Variants in DHX8 observed in about 807,000 individuals in gnomAD.
The protein encoded by DHX8 is DEAH-box helicase 8.
DHX8 carries 67 observed loss-of-function variants against 140.7 expected under a neutral mutation model. The observed-to-expected ratio is 0.48, with a 90% CI of 0.39 to 0.58. The LOEUF is 0.58. Ranked by LOEUF, DHX8 falls within the 20% of genes least tolerant of loss-of-function variation. The probability of loss-of-function intolerance (pLI) is 0.00; values close to 1 mark genes in which losing one functional copy is unlikely to be tolerated. For missense variants in DHX8, 887 were observed against 1,550.7 expected (o/e 0.57, Z 7.19); for synonymous variants, 533 against 553.2 (o/e 0.96, Z 0.51).
At chr17:43,536,430 T>A in exon 3 of DHX8, 2 of 1,614,218 alleles carry the variant, frequency 1.2e-6, no homozygotes, top group East Asian at 2.2e-5. Flanking sequence ...ACTCACGGTT[T>A]TCTGAATGGA....
chr17:43,489,852 A>ATTTT, intron 2 of DHX8, among the ~76,000 whole-genome samples: 1 of 152,156 alleles, frequency 6.6e-6, no homozygotes, highest in African/African-American at 2.4e-5. Flanking sequence ...GGCCTTCCAA[A>ATTTT]GTGCTGGGAT....
chr17:43,522,762 AAAAAAAC>A (rs1350448097), intron 22 of DHX8, among the ~76,000 whole-genome samples: 3 of 146,798 alleles, frequency 2.0e-5, no homozygotes, highest in South Asian at 2.2e-4. Context: ...AAAAAAAAAA[AAAAAAAC>A]CAACTACCTA....
At chr17:43,499,028 T>TTA (rs1860977558) in intron 10 of DHX8, 69 bp downstream of exon 10, 1 of 1,182,042 alleles carries the variant, frequency 8.5e-7, no homozygotes, top group African/African-American at 1.6e-5. Context: ...ATGGGTCAGG[T>TTA]TATTAGATCT....
chr17:43,532,337 A>G (rs1406949173), intron 2 of DHX8, among the ~76,000 whole-genome samples: 1 of 152,092 alleles, frequency 6.6e-6, no homozygotes, highest in Non-Finnish European at 1.5e-5. Flanking sequence ...CATCTCTACT[A>G]AAAATACAAA....
chr17:43,535,520 ACGCGCCTCAGCCT>A (rs1178701639), intron 2 of DHX8, among the ~76,000 whole-genome samples: 2 of 152,202 alleles, frequency 1.3e-5, no homozygotes, highest in South Asian at 2.1e-4. Flanking sequence ...CATGTGATCC[ACGCGCCTCAGCCT>A]CCCAAAGTGC....
At chr17:43,499,690 C>T (rs575998761) in intron 10 of DHX8, among the ~76,000 whole-genome samples, 1 of 152,302 alleles carries the variant, frequency 6.6e-6, no homozygotes, top group African/African-American at 2.4e-5. Context: ...TTATGTCCTT[C>T]ATACGTTTAA....
At chr17:43,543,276 A>ACACTCTCTCT (rs1555559953) in intron 3 of DHX8, among the ~76,000 whole-genome samples, 12 of 138,258 alleles carry the variant, frequency 8.7e-5, no homozygotes, top group East Asian at 2.2e-4. Context: ...ACACACACAC[A>ACACTCTCTCT]CTCTCTCTCT....
chr17:43,532,772 C>A, intron 2 of DHX8: 1 of 1,614,026 alleles, frequency 6.2e-7, no homozygotes, highest in Non-Finnish European at 8.5e-7. Flanking sequence ...GGCTGGCTGG[C>A]CCGCCTGTTC....
intron 3 of DHX8, among the ~76,000 whole-genome samples, chr17:43,537,471 A>T (rs887852890): frequency 2.0e-5 from 3 of 151,732 alleles, no homozygotes; most frequent in Non-Finnish European, 4.4e-5. Flanking sequence ...AGGTGGGAGG[A>T]TCACTTGAGA....
rs1282240505 is a variant in DHX8, at chr17:43,520,693, G to A, written c.2938-58G>A. 6.2e-6 allele frequency: 10 copies of A among 1,610,372 alleles called. No individual in the cohort carries two copies. The East Asian group carries it at 1.8e-4, about 29-fold the overall frequency. On this transcript the variant is annotated intron_variant, in intron 19 of 22. Transcript: ENST00000262415. ...CCACTCTGACCAAGGTCTTGCTCTG[G>A]TGAATCCAAATGTGTCTTCCACAGG... is the stretch of plus-strand genomic sequence containing the variant.
At chr17:43,517,938 A>G (rs940868154) in intron 18 of DHX8, 3 of 152,094 alleles carry the variant, frequency 2.0e-5, no homozygotes, top group African/African-American at 7.2e-5. Flanking sequence ...GTCATTTATT[A>G]TTTATTCCCT....
chr17:43,513,649 GTTAT>G (rs1969962029), intron 17 of DHX8, 147 bp downstream of exon 17: 2 of 566,832 alleles, frequency 3.5e-6, no homozygotes, highest in Non-Finnish European at 5.1e-6. Flanking sequence ...AGGATTTTTT[GTTAT>G]TTGTTTTTAA....
chr17:43,526,391 G>A (rs1350625455), downstream of DHX8: 8 of 1,510,636 alleles, frequency 5.3e-6, no homozygotes, highest in East Asian at 2.5e-5. Context: ...TGGCAGGACC[G>A]TCCCTATGGG....
chr17:43,484,233 CGGAAGGA>C (rs11279905), intron 1 of DHX8, 48 bp downstream of exon 1: 1,333,473 of 1,529,332 alleles, frequency 0.87, 584,691 homozygotes, highest in East Asian at 0.99. Flanking sequence ...TTGAGGGAAG[CGGAAGGA>C]GGAAGGAGGA....
At chr17:43,485,273 G>A (rs1021074460) in intron 1 of DHX8, among the ~76,000 whole-genome samples, 1 of 152,150 alleles carries the variant, frequency 6.6e-6, no homozygotes, top group African/African-American at 2.4e-5. Flanking sequence ...TCATCAACCG[G>A]AGGGATGGAA....
At chr17:43,508,111 T>C in intron 15 of DHX8, 92 bp downstream of exon 15, 1 of 1,309,496 alleles carries the variant, frequency 7.6e-7, no homozygotes. Flanking sequence ...TGCTAATCTT[T>C]TTAAAAACAA....
rs1482883999 is a variant in DHX8 at position 43,484,259 on chromosome 17, G to A, written c.148+74G>A. On this transcript the variant is annotated intron_variant, in intron 1 of 22. Transcript: ENST00000262415. ...GGAAGGAGGAAGGAGGAAGGAGAAA[G>A]GTGGTTGATGGACCGAAAGTATGTT... The A allele has an allele frequency of 6.0e-6, 9 of 1,492,584 alleles. No homozygotes were observed. In the East Asian group the frequency reaches 2.1e-4, roughly 34 times the overall value. 92.5% of individuals were successfully genotyped at this position (1,492,584 alleles called of 1,614,324 possible).
At chr17:43,495,978 G>C (rs929322595) in intron 8 of DHX8, among the ~76,000 whole-genome samples, 4 of 152,042 alleles carry the variant, frequency 2.6e-5, no homozygotes, top group Non-Finnish European at 4.4e-5. Context: ...TGCGCCACTA[G>C]TGTCAGCTAT....
At chr17:43,496,116 C>G (rs1234224530) in intron 8 of DHX8, 65 bp from the exon 9 acceptor site, 1 of 1,367,174 alleles carries the variant, frequency 7.3e-7, no homozygotes, top group Non-Finnish European at 1.0e-6. Context: ...AAAACAAAAC[C>G]AAAAAACAAA....
Sources: allele counts gnomAD v4.1 joint callset (sites outside exome capture counted in the v4.1 genomes callset), GRCh38; gene constraint gnomAD v4.1.1; transcripts MANE v1.5; gene names NCBI Gene and HGNC (gene_info 2026-07-23, HGNC 2026-07-21).